Variants in KLF12 observed in about 807,000 individuals in gnomAD.
KLF12 encodes KLF transcription factor 12.
In KLF12, 9 loss-of-function variants were observed where a neutral mutation model predicts 37.8. The ratio of observed to expected loss-of-function variants is 0.24; its 90% CI spans 0.14 to 0.42. The LOEUF is 0.42. Ranked by LOEUF, KLF12 falls within the 10% of genes least tolerant of loss-of-function variation. The pLI is 1.00. For synonymous variants in KLF12, 208 were observed against 202.1 expected (o/e 1.03, Z -0.25); for missense variants, 411 against 516.0 (o/e 0.80, Z 1.97).
chr13:74,119,263 C>T (rs936467259), intron 1 of KLF12, among the ~76,000 whole-genome samples: 3 of 151,154 alleles, frequency 2.0e-5, no homozygotes, highest in African/African-American at 4.9e-5. Context: ...ACTTGGGAGG[C>T]GGAGGCTGCA....
At chr13:73,850,096 C>G (rs1885256312) in intron 3 of KLF12, among the ~76,000 whole-genome samples, 1 of 151,910 alleles carries the variant, frequency 6.6e-6, no homozygotes, top group South Asian at 2.1e-4. Context: ...ACACAAAAGG[C>G]CAGAAAAGTA....
intron 1 of KLF12, among the ~76,000 whole-genome samples, chr13:74,017,888 C>T (rs1283741033): frequency 6.6e-6 from 1 of 151,998 alleles, no homozygotes; most frequent in African/African-American, 2.4e-5. Flanking sequence ...AGCATTAGAG[C>T]AGACAGTTCC....
intron 2 of KLF12, among the ~76,000 whole-genome samples, chr13:73,947,566 G>C (rs1038838478): frequency 1.4e-5 from 2 of 146,130 alleles, no homozygotes; most frequent in African/African-American, 5.1e-5. Flanking sequence ...CAGAAGAATC[G>C]CTTGAACCCG....
At chr13:73,945,218 C>T (rs1488560692) in intron 2 of KLF12, among the ~76,000 whole-genome samples, 3 of 152,188 alleles carry the variant, frequency 2.0e-5, no homozygotes, top group African/African-American at 7.2e-5. Flanking sequence ...CCTGTAACCC[C>T]AGCACTTTGG....
chr13:73,825,960 C>G (rs1417880873), intron 4 of KLF12, among the ~76,000 whole-genome samples: 1 of 151,772 alleles, frequency 6.6e-6, no homozygotes, highest in East Asian at 1.9e-4. Context: ...ATGTCAGGGG[C>G]AAATCAATCA....
At chr13:73,811,113 G>C (rs1882919318) in intron 5 of KLF12, among the ~76,000 whole-genome samples, 1 of 148,140 alleles carries the variant, frequency 6.8e-6, no homozygotes, top group Admixed American at 6.8e-5. Flanking sequence ...AGCCTCCCGA[G>C]TAACTGGGAT....
chr13:73,824,534 T>C (rs1338224254), intron 4 of KLF12, among the ~76,000 whole-genome samples: 1 of 152,218 alleles, frequency 6.6e-6, no homozygotes, highest in Non-Finnish European at 1.5e-5. Context: ...GCTGTCACTA[T>C]TCAAAAATGA....
chr13:74,108,923 C>T (rs1321597927), intron 1 of KLF12, among the ~76,000 whole-genome samples: 1 of 152,100 alleles, frequency 6.6e-6, no homozygotes, highest in East Asian at 1.9e-4. Flanking sequence ...AGTTCAAATC[C>T]ATATTGTTCA....
At chr13:73,782,124 C>T (rs184301402) in intron 5 of KLF12, among the ~76,000 whole-genome samples, 2 of 152,304 alleles carry the variant, frequency 1.3e-5, no homozygotes, top group East Asian at 3.9e-4. Flanking sequence ...AGACTCTAGA[C>T]CAGACTGCCG....
the KLF12 span, among the ~76,000 whole-genome samples, chr13:74,295,123 G>T: frequency 1.3e-5 from 2 of 152,132 alleles, no homozygotes; most frequent in African/African-American, 2.4e-5. Context: ...AGATACTACT[G>T]CTTATCTGGT....
chr13:74,206,481 C>T, the KLF12 span, among the ~76,000 whole-genome samples: 7 of 152,154 alleles, frequency 4.6e-5, no homozygotes, highest in South Asian at 2.1e-4. Flanking sequence ...ATTTGTCTCC[C>T]GGAGACTCTG....
chr13:74,023,883 T>A (rs1324918), intron 1 of KLF12, among the ~76,000 whole-genome samples: 62 of 152,272 alleles, frequency 4.1e-4, no homozygotes, highest in African/African-American at 1.4e-3. Flanking sequence ...AAGTTTCTGG[T>A]GATCTTGAAG....
the KLF12 span, among the ~76,000 whole-genome samples, chr13:74,289,657 A>G: frequency 6.6e-6 from 1 of 152,252 alleles, no homozygotes; most frequent in Non-Finnish European, 1.5e-5. Flanking sequence ...TAAATTCCCC[A>G]AACAGGAAAT....
intron 6 of KLF12, among the ~76,000 whole-genome samples, chr13:73,728,054 G>A (rs1360019222): frequency 2.0e-5 from 3 of 152,184 alleles, no homozygotes; most frequent in South Asian, 4.1e-4. Context: ...CCAAATTGTA[G>A]ACTGCTGCCA....
the KLF12 span, among the ~76,000 whole-genome samples, chr13:74,169,310 C>T: frequency 6.6e-6 from 1 of 152,138 alleles, no homozygotes; most frequent in South Asian, 2.1e-4. Context: ...CTACTTTTCA[C>T]CATCTAACAC....
chr13:74,001,041 C>T (rs1287684426), intron 1 of KLF12, among the ~76,000 whole-genome samples: 1 of 152,122 alleles, frequency 6.6e-6, no homozygotes, highest in Non-Finnish European at 1.5e-5. Context: ...AAAATATAAA[C>T]ATGTGCCATT....
At chr13:73,922,934 A>G (rs908847680) in intron 3 of KLF12, among the ~76,000 whole-genome samples, 10 of 152,150 alleles carry the variant, frequency 6.6e-5, no homozygotes, top group African/African-American at 2.2e-4. Context: ...TCAGCCAGGC[A>G]CAGCAGCCCT....
chr13:74,172,696 C>T, the KLF12 span, among the ~76,000 whole-genome samples: 1 of 152,122 alleles, frequency 6.6e-6, no homozygotes, highest in Non-Finnish European at 1.5e-5. Context: ...GTTTCATTGG[C>T]CAGAATGCAT....
At position 73,803,978 on chromosome 13, in the gene KLF12, G is replaced by A. The variant is rs543026121; in HGVS notation, c.806+9174C>T. 2.0e-5 allele frequency among the ~76,000 whole-genome samples: 3 copies of A among 152,254 alleles called. No homozygotes were observed. The South Asian group carries it at 6.2e-4, about 32-fold the overall frequency. On this transcript the variant is annotated intron_variant, in intron 5 of 7. Transcript: ENST00000377669. ...AAGACGAATATCTGTAGGACATGAA[G>A]TTGATCATACCATTTCCACTTAAAA...
Sources: gnomAD v4.1 joint callset for allele counts (sites outside exome capture counted in the v4.1 genomes callset) on GRCh38, gnomAD v4.1.1 for gene constraint, MANE v1.5 for transcripts, NCBI Gene and HGNC (gene_info 2026-07-23, HGNC 2026-07-21) for gene names.